Variants in TCERG1L observed in about 807,000 individuals in gnomAD.
The protein encoded by TCERG1L is transcription elongation regulator 1-like protein.
Under a neutral mutation model 56.3 loss-of-function variants are expected in TCERG1L, and 37 were observed. The ratio of observed to expected loss-of-function variants is 0.66; its 90% confidence interval spans 0.51 to 0.87. The LOEUF (loss-of-function observed/expected upper bound fraction) is 0.87, where lower values mean the gene tolerates loss of function less well. Ranked by LOEUF, TCERG1L falls within the 40% of genes least tolerant of loss-of-function variation. TCERG1L has a pLI of 0.00. For synonymous variants in TCERG1L, 324 were observed against 326.3 expected, an observed-to-expected ratio of 0.99 and a Z score of 0.08; for missense variants, 799 against 774.2, an observed-to-expected ratio of 1.03 and a Z score of -0.38.
intron 4 of TCERG1L, among the ~76,000 whole-genome samples, chr10:131,182,966 C>T (rs1216601613): frequency 1.3e-5 from 2 of 152,230 alleles, no homozygotes; most frequent in Admixed American, 6.5e-5. Flanking sequence ...GCTGGTTGTG[C>T]GCTAAAGGAT....
At chr10:131,280,214 T>C (rs1387572669) in intron 3 of TCERG1L, among the ~76,000 whole-genome samples, 1 of 151,706 alleles carries the variant, frequency 6.6e-6, no homozygotes, top group Non-Finnish European at 1.5e-5. Context: ...GGTTGCATTC[T>C]TTGAGTTCCT....
At position 131,267,090 on chromosome 10, in the gene TCERG1L, C is replaced by T. The variant is rs535715163; in HGVS notation, c.671-6646G>A. Among the ~76,000 whole-genome samples, 80 of 152,224 alleles carry T rather than the reference C, an allele frequency of 5.3e-4. No homozygotes were observed. The highest frequency in any genetic ancestry group is 1.8e-3 in the African/African-American group (76 of 41,550). ...ACCCACTCCTTCACACCCAGGAGCC[C>T]GTCTGCCTCCTGCCACCACTCATCA... is the stretch of plus-strand genomic sequence containing the variant. On this transcript the variant is annotated intron_variant, in intron 3 of 11. Transcript: ENST00000368642. This position sits in a 1 kb window ranked among gnomAD's most constrained non-coding sequence, Gnocchi z 4.9.
At position 131,130,087 on chromosome 10, in the gene TCERG1L, T is replaced by TAAA. The variant is rs34675215; in HGVS notation, c.1259+4289_1259+4291dup. 7.0e-4 allele frequency among the ~76,000 whole-genome samples: 81 copies of TAAA among 116,136 alleles called. 1 individual carries two copies. The highest frequency in any genetic ancestry group is 2.1e-3 in the African/African-American group (69 of 32,212). 76.2% of individuals were successfully genotyped at this position (116,136 alleles called of 152,430 possible). On this transcript the variant is annotated intron_variant, in intron 8 of 11. Transcript: ENST00000368642. ...GACATATCCGAGACTGGGTGATTTA[T>TAAA]AAAAAAAAAAAAAAAAGGTTGAACG...
intron 4 of TCERG1L, among the ~76,000 whole-genome samples, chr10:131,190,203 A>C (rs1845289168): frequency 6.6e-6 from 1 of 152,178 alleles, no homozygotes; most frequent in Non-Finnish European, 1.5e-5. Flanking sequence ...GGAAACATAC[A>C]ACCCTCTTAG....
At chr10:131,257,274 C>A (rs544896782) in intron 4 of TCERG1L, among the ~76,000 whole-genome samples, 1 of 152,230 alleles carries the variant, frequency 6.6e-6, no homozygotes, top group South Asian at 2.1e-4. Flanking sequence ...CAGAGGCCAA[C>A]GGACACAAAG....
chr10:131,191,661 T>G lies in TCERG1L; in HGVS notation c.857-24776A>C, dbSNP rs542086861. ...GACTGGCAAGCCACATGTAGAAGAA[T>G]GAAACTGGATCCCATTTCTCACCAC... On this transcript the variant is annotated intron_variant, in intron 4 of 11. Coordinates refer to ENST00000368642, the MANE Select transcript of TCERG1L (RefSeq NM_174937.4). 1.8e-4 allele frequency among the ~76,000 whole-genome samples: 25 copies of G among 141,900 alleles called. 4 individuals carry two copies. The highest frequency in any genetic ancestry group is 6.4e-4 in the African/African-American group (24 of 37,494). 93.1% of individuals were successfully genotyped at this position (141,900 alleles called of 152,430 possible). A position where few individuals can be genotyped will look rare whatever the true frequency, so the allele number is the denominator to read the frequency against.
intron 7 of TCERG1L, among the ~76,000 whole-genome samples, chr10:131,143,722 T>C (rs1845763864): frequency 6.6e-6 from 1 of 152,036 alleles, no homozygotes; most frequent in Admixed American, 6.5e-5. Flanking sequence ...AACTGAAGTG[T>C]TGGTAAGATC....
In TCERG1L at chr10:131,146,587, G is replaced by A; in HGVS notation, c.1108C>T (p.Pro370Ser). The A allele has an allele frequency of 6.2e-7, 1 of 1,613,938 alleles. No individual in the cohort carries two copies. The highest frequency in any genetic ancestry group is 1.3e-5 in the African/African-American group (1 of 75,024). ...TCTCCGCGGTCCTTCAGGTCCATGG[G>A]CTTCTCCCAGACAGACAGGTGCATC... Reference protein sequence around the residue: ...PTMHLSVWEKPMDLKDRGDLN... With the variant: ...PTMHLSVWEKSMDLKDRGDLN... Residue 370 changes from proline (P) to serine (S), a missense_variant, in exon 7 of 12, where the codon CCC (proline) becomes TCC (serine). By Grantham distance (74) the Pro-to-Ser change is moderately conservative (BLOSUM62 -1). Transcript: ENST00000368642.
chr10:131,271,856 A>G lies in TCERG1L; in HGVS notation c.671-11412T>C, dbSNP rs1230342243. Among the ~76,000 whole-genome samples the G allele has an allele frequency of 7.2e-5, 11 of 152,324 alleles. No homozygotes were observed. In the East Asian group the frequency reaches 2.1e-3, roughly 29 times the overall value. On this transcript the variant is annotated intron_variant, in intron 3 of 11. Transcript: ENST00000368642. ...GCTGTCTGTGCTGAGCAACCCATTC[A>G]AGAAAACAAACAACCATTAGTTTAT...
At chr10:131,093,691 G>A (rs985251393) in intron 11 of TCERG1L, among the ~76,000 whole-genome samples, 15 of 152,100 alleles carry the variant, frequency 9.9e-5, no homozygotes, top group Non-Finnish European at 2.1e-4. Flanking sequence ...TGCCTGCCAC[G>A]GTCTTTCTTA....
At chr10:131,190,396 C>A (rs1845290586) in intron 4 of TCERG1L, among the ~76,000 whole-genome samples, 1 of 152,108 alleles carries the variant, frequency 6.6e-6, no homozygotes, top group African/African-American at 2.4e-5. Context: ...GATTAAGAAA[C>A]AAGGAGGCCT....
rs564869807 is a variant in TCERG1L at position 131,120,889 on chromosome 10, T to G, written c.1260-3955A>C. ...GCAGGTGCGGTGTGTCCACCCATAC[T>G]GGGCACAGCGGGGCTGTAGCTGGAA... On this transcript the variant is annotated intron_variant, in intron 8 of 11. Transcript: ENST00000368642. 1.6e-4 allele frequency among the ~76,000 whole-genome samples: 25 copies of G among 152,298 alleles called. 1 individual carries two copies. Among genetic ancestry groups the G allele is most frequent in the Non-Finnish European group, 3.5e-4 (24 of 68,018 alleles).
chr10:131,298,636 A>G (rs892827495), intron 3 of TCERG1L, among the ~76,000 whole-genome samples: 1 of 152,138 alleles, frequency 6.6e-6, no homozygotes, highest in East Asian at 1.9e-4. Context: ...CTGGTCCCGA[A>G]CTCCTGACCT....
intron 4 of TCERG1L, among the ~76,000 whole-genome samples, chr10:131,200,589 C>G (rs1031235685): frequency 1.3e-5 from 2 of 152,170 alleles, no homozygotes; most frequent in Non-Finnish European, 2.9e-5. Context: ...CTTGATTTCG[C>G]AGGCTCACAG....
intron 4 of TCERG1L, among the ~76,000 whole-genome samples, chr10:131,259,949 A>G (rs1336029734): frequency 6.6e-6 from 1 of 152,250 alleles, no homozygotes; most frequent in African/African-American, 2.4e-5. Flanking sequence ...GCACTCCCAG[A>G]CGCATGCATG....
intron 11 of TCERG1L, among the ~76,000 whole-genome samples, chr10:131,093,775 G>A (rs1845211144): frequency 6.6e-6 from 1 of 152,184 alleles, no homozygotes; most frequent in African/African-American, 2.4e-5. Context: ...TGAGAAACCA[G>A]GCCAGGGGGT....
chr10:131,294,906 T>C (rs1846673536), intron 3 of TCERG1L, among the ~76,000 whole-genome samples: 1 of 152,050 alleles, frequency 6.6e-6, no homozygotes, highest in Non-Finnish European at 1.5e-5. Flanking sequence ...TTTTAATAAA[T>C]GTATACACTT....
chr10:131,271,237 G>C (rs962626423), intron 3 of TCERG1L, among the ~76,000 whole-genome samples: 4 of 152,214 alleles, frequency 2.6e-5, no homozygotes, highest in African/African-American at 9.6e-5. Flanking sequence ...GGGACAGTAG[G>C]GTGGGAGCCC....
chr10:131,236,539 C>T (rs1320961863), intron 4 of TCERG1L, among the ~76,000 whole-genome samples: 1 of 152,186 alleles, frequency 6.6e-6, no homozygotes, highest in Non-Finnish European at 1.5e-5. Flanking sequence ...CCACATTCAC[C>T]AACGTCACTG....
Sources: allele counts gnomAD v4.1 joint callset (sites outside exome capture counted in the v4.1 genomes callset), GRCh38; gene constraint gnomAD v4.1.1; non-coding constraint Gnocchi (gnomAD v3.1); transcripts MANE v1.5; gene names NCBI Gene and HGNC (gene_info 2026-07-23, HGNC 2026-07-21).